Variants in TGM5 observed in about 807,000 individuals in gnomAD.
The protein encoded by TGM5 is protein-glutamine gamma-glutamyltransferase 5.
TGM5 carries 69 observed loss-of-function variants against 77.2 expected under a neutral mutation model. That is an observed-to-expected ratio of 0.89 (90% confidence interval 0.74 to 1.09). TGM5 has a LOEUF of 1.09. Among genes scored for constraint, TGM5 ranks in the 50% least tolerant of loss-of-function variants. The pLI is 0.00. For missense variants in TGM5, 842 were observed against 896.5 expected, an observed-to-expected ratio of 0.94 and a Z score of 0.78; for synonymous variants, 346 against 351.8, an observed-to-expected ratio of 0.98 and a Z score of 0.18.
At chr15:43,239,330 G>A (rs2042617295) in intron 7 of TGM5, 64 bp from the exon 8 acceptor site, 3 of 1,524,834 alleles carry the variant, frequency 2.0e-6, no homozygotes, top group Non-Finnish European at 2.7e-6. Flanking sequence ...AGGCAAGGGA[G>A]GGATGAGCAA....
chr15:43,266,697 T>C, intron 1 of TGM5, 143 bp downstream of exon 1: 1 of 1,096,936 alleles, frequency 9.1e-7, no homozygotes, highest in Non-Finnish European at 1.4e-6. Context: ...AATACTGAGG[T>C]TTCTGGGATT....
At chr15:43,256,494 A>G in intron 4 of TGM5, 74 bp downstream of exon 4, 5 of 1,142,902 alleles carry the variant, frequency 4.4e-6, no homozygotes, top group Admixed American at 1.7e-5. Context: ...TTCTAGGTGA[A>G]GCTCACATGT....
At position 43,233,002 on chromosome 15, in the gene TGM5, T is replaced by C; in HGVS notation, c.*189A>G. On this transcript the variant is annotated 3_prime_UTR_variant, in exon 13 of 13. Transcript: ENST00000220420. ...TAGGGGTAGTAAACAAAGCAAAGTC[T>C]TTGCCCTCATGGAGCTTAAATTTCT... 4.3e-6 allele frequency: 3 copies of C among 694,010 alleles called. No individual in the cohort carries two copies. The highest frequency in any genetic ancestry group is 1.9e-5 in the South Asian group (1 of 52,340). The allele number at this position is 694,010 out of a possible 1,614,324, so 43.0% of individuals were successfully genotyped here. A position where few individuals can be genotyped will look rare whatever the true frequency, so the allele number is the denominator to read the frequency against.
chr15:43,262,830 T>C (rs919658246), intron 1 of TGM5, among the ~76,000 whole-genome samples: 6 of 152,220 alleles, frequency 3.9e-5, no homozygotes, highest in Admixed American at 2.6e-4. Flanking sequence ...AAGACAAGAA[T>C]GTCTCCTGTT....
rs763033923 is a variant in TGM5, at chr15:43,252,842, G to T, written c.779C>A (p.Ala260Asp). The T allele has an allele frequency of 6.2e-7, 1 of 1,613,926 alleles. No homozygotes were observed. The highest frequency in any genetic ancestry group is 1.1e-5 in the South Asian group (1 of 91,086). ...TGTGGCGTTCCACTGCTTCAGGATG[G>T]CCACGCTGCCCGTCCACTCCGCAGG... ...ANPAEWTGSV[A>D]ILKQWNATGC... The change falls in exon 6 of 13, where the codon GCC (alanine) becomes GAC (aspartate). Residue 260 changes from alanine (A) to aspartate (D), a missense_variant. Physicochemically the swap from Ala to Asp is moderately radical, Grantham distance 126 (BLOSUM62 -2). Around this residue, in one of 2 missense-constraint regions of TGM5, gnomAD observed 815 missense variants for 844.6 expected, o/e 0.96. Coordinates refer to ENST00000220420, the MANE Select transcript of TGM5 (RefSeq NM_201631.4).
At chr15:43,243,478 A>G (rs1374604981) in intron 6 of TGM5, among the ~76,000 whole-genome samples, 1 of 152,186 alleles carries the variant, frequency 6.6e-6, no homozygotes, top group Non-Finnish European at 1.5e-5. Context: ...GAGGACTTGG[A>G]TGGGGAGCAG....
intron 3 of TGM5, among the ~76,000 whole-genome samples, chr15:43,258,624 G>T (rs17778967): frequency 6.6e-6 from 1 of 152,132 alleles, no homozygotes; most frequent in Admixed American, 6.5e-5. Flanking sequence ...GAAGCTGCAG[G>T]TTCATGGTTG....
At position 43,235,567 on chromosome 15, in the gene TGM5, A is replaced by G. The variant is rs2042583048; in HGVS notation, c.1616T>C (p.Leu539Pro). 6 of 1,614,194 alleles carry G rather than the reference A, an allele frequency of 3.7e-6. No homozygotes were observed. The highest frequency in any genetic ancestry group is 5.1e-6 in the Non-Finnish European group (6 of 1,180,030). The change falls in exon 10 of 13, where the codon CTC (leucine) becomes CCC (proline). Residue 539 changes from leucine to proline, a missense_variant. By Grantham distance (98) the Leu-to-Pro change is moderately conservative. Around this residue, in one of 2 missense-constraint regions of TGM5, gnomAD observed 815 missense variants for 844.6 expected, o/e 0.96. Coordinates refer to ENST00000220420, the MANE Select transcript of TGM5 (RefSeq NM_201631.4). ...ALNMSSQFKD[L>P]KVNLSAQSLL... ...AGACTGGGCACTCAGGTTCACTTTG[A>G]GGTCCTTGAACTGGGAGGACATGTT...
intron 9 of TGM5, among the ~76,000 whole-genome samples, chr15:43,237,987 G>A (rs1416826290): frequency 5.6e-4 from 85 of 152,196 alleles, no homozygotes; most frequent in Non-Finnish European, 8.8e-5. Flanking sequence ...GGTGGTGATG[G>A]CACTGCTGGG....
intron 6 of TGM5, among the ~76,000 whole-genome samples, chr15:43,244,330 A>G (rs551949436): frequency 6.6e-6 from 1 of 152,202 alleles, no homozygotes; most frequent in Non-Finnish European, 1.5e-5. Context: ...GGTGCTCATT[A>G]TATTCCTGTT....
chr15:43,243,767 C>A (rs963016734), intron 6 of TGM5, among the ~76,000 whole-genome samples: 6 of 152,182 alleles, frequency 3.9e-5, no homozygotes, highest in Non-Finnish European at 7.3e-5. Context: ...CTGAACACAT[C>A]CCTTACTGAA....
intron 3 of TGM5, 101 bp from the exon 4 acceptor site, chr15:43,256,787 G>A: frequency 2.2e-6 from 2 of 897,954 alleles, no homozygotes; most frequent in South Asian, 1.3e-5. Context: ...CTGGAGCAAG[G>A]GCCCCTGGCG....
rs746886567 is a variant in TGM5 at position 43,233,164 on chromosome 15, C to G, written c.*27G>C. 2 of 1,613,620 alleles carry G rather than the reference C, an allele frequency of 1.2e-6. No homozygotes were observed. Among genetic ancestry groups the G allele is most frequent in the Non-Finnish European group, 1.7e-6 (2 of 1,179,864 alleles). ...GCTCCTTTTCCTGAAGCTTGAAATT[C>G]ACACGTCTGGCGCGTTGTTCCAGAA... On this transcript the variant is annotated 3_prime_UTR_variant, in exon 13 of 13. Transcript: ENST00000220420.
At position 43,234,904 on chromosome 15, in the gene TGM5, G is replaced by T; in HGVS notation, c.1740C>A (p.Ser580=). The change falls in exon 11 of 13, where the codon TCC becomes TCA. Residue 580 remains serine, a synonymous_variant. Coordinates refer to ENST00000220420, the MANE Select transcript of TGM5 (RefSeq NM_201631.4). The part of the protein sequence containing the change: ...KEAKTYPCKI[S]YSQYSQYLST... ...ACAGGTACTGGCTGTACTGGGAATA[G>T]GAGATTTTGCAGGGGTAGGTCTTTG... The T allele has an allele frequency of 6.2e-7, 1 of 1,614,188 alleles. No individual in the cohort carries two copies. The highest frequency in any genetic ancestry group is 8.5e-7 in the Non-Finnish European group (1 of 1,180,012).
At chr15:43,261,060 CTT>C (rs199676346) in intron 1 of TGM5, among the ~76,000 whole-genome samples, 1,450 of 90,578 alleles carry the variant, frequency 0.016, 49 homozygotes, top group Non-Finnish European at 0.022. Flanking sequence ...GCTGCTCTTC[CTT>C]TTTTTGTGTG....
In TGM5 at chr15:43,259,970, G is replaced by T. The variant is rs1056915895; in HGVS notation, c.436+82C>A. ...GGAGGCTCTGGGTGGCCCGGGAGCG[G>T]GGTCTAGAAACCCTTGAGCCTGTCT... is the stretch of plus-strand genomic sequence containing the variant. On this transcript the variant is annotated intron_variant, in intron 3 of 12. Transcript: ENST00000220420. The T allele has an allele frequency of 1.2e-5, 19 of 1,604,312 alleles. No individual in the cohort carries two copies. In the Admixed American group the frequency reaches 2.7e-4, roughly 23 times the overall value.
intron 6 of TGM5, among the ~76,000 whole-genome samples, chr15:43,250,842 G>C (rs1190593086): frequency 6.6e-6 from 1 of 152,158 alleles, no homozygotes; most frequent in Non-Finnish European, 1.5e-5. Flanking sequence ...ACAGGGGACT[G>C]GGCCACGTTT....
Position 43,260,420 on chromosome 15 carries a change from ATGT to A in TGM5, c.167_169del (p.Asn56del). On this transcript the variant is annotated inframe_deletion, in exon 2 of 13. Transcript: ENST00000220420. ...CTTACCAGTTTCAACCACGAAGATG[ATGT>A]TGTCCAGGCCTGGCTGGAAGCTCCG... is the stretch of plus-strand genomic sequence containing the variant. 1.9e-6 allele frequency: 3 copies of A among 1,614,150 alleles called. No homozygotes were observed. Among genetic ancestry groups the A allele is most frequent in the Non-Finnish European group, 2.5e-6 (3 of 1,180,020 alleles).
chr15:43,248,693 G>A (rs545627127), intron 6 of TGM5, among the ~76,000 whole-genome samples: 1 of 152,194 alleles, frequency 6.6e-6, no homozygotes, highest in Non-Finnish European at 1.5e-5. Context: ...TTTGTGTTTA[G>A]TCCAGGGCAC....
Sources: gnomAD v4.1 joint callset for allele counts (sites outside exome capture counted in the v4.1 genomes callset) on GRCh38, gnomAD v4.1.1 for gene constraint, gnomAD v4.1.1 regional missense constraint, MANE v1.5 for transcripts, NCBI Gene and HGNC (gene_info 2026-07-23, HGNC 2026-07-21) for gene names.